The following SPICE1 variants were observed in gnomAD, a reference collection of about 807,000 sequenced individuals.
SPICE1 encodes spindle and centriole associated protein 1.
SPICE1 carries 75 observed loss-of-function variants against 102.7 expected under a neutral mutation model. That is an observed-to-expected ratio of 0.73 (90% CI 0.61 to 0.88). The LOEUF (loss-of-function observed/expected upper bound fraction) is 0.88, where lower values mean the gene tolerates loss of function less well. Among genes scored for constraint, SPICE1 ranks in the 40% least tolerant of loss-of-function variants. SPICE1 has a pLI of 0.00. For synonymous variants in SPICE1, 308 were observed against 350.3 expected, an observed-to-expected ratio of 0.88 and a Z score of 1.35; for missense variants, 979 against 1,020.1, an observed-to-expected ratio of 0.96 and a Z score of 0.55.
rs954187638 is a variant in SPICE1, at chr3:113,476,947, A to G, written c.612-7709T>C. On this transcript the variant is annotated intron_variant, in intron 7 of 17. Coordinates refer to ENST00000295872, the MANE Select transcript of SPICE1 (RefSeq NM_144718.4). The stretch of plus-strand genomic sequence containing the variant: ...AAATTGACAAATGGGATCTAACTAA[A>G]CTAAAGAGCTTCTGCACAGCAAAAG... Among the ~76,000 whole-genome samples, 6 of 152,376 alleles carry G rather than the reference A, an allele frequency of 3.9e-5. No homozygotes were observed. The South Asian group carries it at 1.2e-3, about 32-fold the overall frequency.
chr3:113,489,150 A>G, intron 6 of SPICE1, 87 bp from the exon 7 acceptor site: 1 of 775,868 alleles, frequency 1.3e-6, no homozygotes, highest in Non-Finnish European at 2.1e-6. Flanking sequence ...AACAGAAGAG[A>G]GTTCCCTCCT....
At chr3:113,450,084 G>A in intron 15 of SPICE1, 1 of 506,696 alleles carries the variant, frequency 2.0e-6, no homozygotes, top group South Asian at 2.4e-5. Context: ...CCATTTAGAT[G>A]TACGATAATT....
rs533174651 is a variant in SPICE1, at chr3:113,458,654, C to T, written c.1436-1297G>A. Among the ~76,000 whole-genome samples the T allele has an allele frequency of 8.7e-3, 1,323 of 152,108 alleles. 15 individuals are homozygous for T. The highest frequency in any genetic ancestry group is 0.014 in the Non-Finnish European group (967 of 67,970). On this transcript the variant is annotated intron_variant, in intron 12 of 17. Transcript: ENST00000295872. ...GCCACCCCGTCTAGGAAGTGAGGAG[C>T]GTCTCTGCCTGGCCGCCCGTCGTCT...
rs554335949 is a variant in SPICE1 at position 113,492,655 on chromosome 3, C to T, written c.492+551G>A. ...TCCTGGTATTATACCAGGAATTTTA[C>T]ATAACTTTTCGCACCTGATCCATGC... On this transcript the variant is annotated intron_variant, in intron 6 of 17. Transcript: ENST00000295872. Among the ~76,000 whole-genome samples, 4 of 152,166 alleles carry T rather than the reference C, an allele frequency of 2.6e-5. No homozygotes were observed. The East Asian group carries it at 7.7e-4, about 29-fold the overall frequency.
chr3:113,514,526 C>T (rs1157119014), intron 1 of SPICE1: 1 of 402,460 alleles, frequency 2.5e-6, no homozygotes, highest in Non-Finnish European at 5.0e-6. Flanking sequence ...TCTCTCACAT[C>T]TCCCGCAAAT....
intron 14 of SPICE1, among the ~76,000 whole-genome samples, chr3:113,452,637 T>C (rs1156821132): frequency 2.7e-5 from 4 of 150,882 alleles, no homozygotes; most frequent in East Asian, 3.9e-4. Flanking sequence ...GGAGCCAAGA[T>C]TGCGTCACTG....
chr3:113,484,616 T>C (rs1936600098), intron 7 of SPICE1, among the ~76,000 whole-genome samples: 1 of 152,178 alleles, frequency 6.6e-6, no homozygotes, highest in African/African-American at 2.4e-5. Context: ...TCTTTATTTC[T>C]GCCTTCATTT....
chr3:113,469,232 G>C lies in SPICE1; in HGVS notation c.618C>G (p.Leu206=). 6.4e-7 allele frequency: 1 copy of C among 1,559,126 alleles called. No individual in the cohort carries two copies. Among genetic ancestry groups the C allele is most frequent in the Non-Finnish European group, 8.7e-7 (1 of 1,150,326 alleles). ...SQSNTNTDRF[L]QQLTEENFEL... is the part of the protein sequence containing the mutation. ...CAAAATTCTCTTCTGTTAGTTGTTG[G>C]AGAAACCTATAAATTACAGGACAAT... The change falls in exon 8 of 18, where the codon CTC becomes CTG. Residue 206 remains leucine, a synonymous_variant. Transcript: ENST00000295872.
chr3:113,445,625 A>T (rs1490885925), intron 17 of SPICE1, among the ~76,000 whole-genome samples: 2 of 152,208 alleles, frequency 1.3e-5, no homozygotes, highest in East Asian at 3.8e-4. Flanking sequence ...ATAGGCATAA[A>T]TTTTTAAAAT....
chr3:113,514,672 G>T, intron 1 of SPICE1: 1 of 860,594 alleles, frequency 1.2e-6, no homozygotes, highest in Non-Finnish European at 1.7e-6. Flanking sequence ...GGAGCCTTCT[G>T]AGAAGCCCCT....
intron 7 of SPICE1, among the ~76,000 whole-genome samples, chr3:113,483,481 G>C (rs1055000471): frequency 4.0e-5 from 6 of 149,700 alleles, no homozygotes; most frequent in African/African-American, 1.5e-4. Flanking sequence ...CTTGCCTTTT[G>C]CCTTGCCCAT....
At position 113,460,712 on chromosome 3, in the gene SPICE1, G is replaced by T. The variant is rs1179630109; in HGVS notation, c.1340C>A (p.Thr447Lys). 1 of 1,613,500 alleles carries T rather than the reference G, an allele frequency of 6.2e-7. No individual in the cohort carries two copies. The highest frequency in any genetic ancestry group is 8.5e-7 in the Non-Finnish European group (1 of 1,179,856). ...VTTDEQLISL[T>K]HAIKNCPVIN... Reference sequence around the variant, plus strand: ...CACAGGACAGTTCTTAATAGCATGTGTGAGTGATATCAGTTGCTCATCTGT... The same window carrying T: ...CACAGGACAGTTCTTAATAGCATGTTTGAGTGATATCAGTTGCTCATCTGT... The change falls in exon 12 of 18, where the codon ACA becomes AAA. Residue 447 changes from threonine (T) to lysine (K), a missense_variant. Thr to Lys is a moderately conservative substitution (Grantham distance 78). Transcript: ENST00000295872.
At chr3:113,471,302 T>TA (rs1343075651) in intron 7 of SPICE1, among the ~76,000 whole-genome samples, 2 of 151,880 alleles carry the variant, frequency 1.3e-5, no homozygotes, top group African/African-American at 4.8e-5. Context: ...ACATATTTTT[T>TA]AAAAAAAATT....
At position 113,450,522 on chromosome 3, in the gene SPICE1, G is replaced by GA; in HGVS notation, c.2143-7_2143-6insT. ...GACTGTGCTACTGGAAAAGTCTTTG[G>GA]GAGAAAAAAAAAAAAAGTACAAATT... On this transcript the variant is annotated splice_polypyrimidine_tract_variant and splice_region_variant and intron_variant, in intron 14 of 17. Transcript: ENST00000295872. 2 of 1,555,616 alleles carry GA rather than the reference G, an allele frequency of 1.3e-6. No homozygotes were observed. Among genetic ancestry groups the GA allele is most frequent in the Non-Finnish European group, 1.7e-6 (2 of 1,155,230 alleles).
rs115581137 is a variant in SPICE1, at chr3:113,501,121, G to T, written c.148-1539C>A. 4.7e-3 allele frequency among the ~76,000 whole-genome samples: 710 copies of T among 152,234 alleles called. 6 individuals carry two copies. The highest frequency in any genetic ancestry group is 0.016 in the African/African-American group (670 of 41,564). ...AATAAACATTTATATTTATGGACAA[G>T]TGATTTTTCAACAAGAGTTCCAAGA... On this transcript the variant is annotated intron_variant, in intron 3 of 17. Transcript: ENST00000295872.
At chr3:113,487,289 C>T (rs1037844068) in intron 7 of SPICE1, among the ~76,000 whole-genome samples, 1 of 151,796 alleles carries the variant, frequency 6.6e-6, no homozygotes, top group Non-Finnish European at 1.5e-5. Flanking sequence ...AAGAGTGATA[C>T]AAATGTGGAA....
At chr3:113,487,232 T>C (rs1046845383) in intron 7 of SPICE1, among the ~76,000 whole-genome samples, 14 of 152,128 alleles carry the variant, frequency 9.2e-5, no homozygotes, top group Admixed American at 1.3e-4. Context: ...TGAATATGAA[T>C]AAATATACTT....
At chr3:113,484,160 G>T (rs1475079888) in intron 7 of SPICE1, among the ~76,000 whole-genome samples, 3 of 152,148 alleles carry the variant, frequency 2.0e-5, no homozygotes, top group African/African-American at 7.2e-5. Context: ...TCCATTTCTA[G>T]TTTATTTGCA....
chr3:113,478,688 A>T (rs148389621), intron 7 of SPICE1, among the ~76,000 whole-genome samples: 670 of 152,314 alleles, frequency 4.4e-3, no homozygotes, highest in Middle Eastern at 0.014. Flanking sequence ...CTCAGAAGAA[A>T]AGAGTGGCAA....
Sources: allele counts gnomAD v4.1 joint callset (sites outside exome capture counted in the v4.1 genomes callset), GRCh38; gene constraint gnomAD v4.1.1; transcripts MANE v1.5; gene names NCBI Gene and HGNC (gene_info 2026-07-23, HGNC 2026-07-21).